The following COMMD10 variants were observed in gnomAD, a reference collection of about 807,000 sequenced individuals.
COMMD10 encodes the protein COMM domain-containing protein 10.
COMMD10 carries 33 observed loss-of-function variants against 28.9 expected under a neutral mutation model. The observed-to-expected ratio is 1.14, with a 90% CI of 0.87 to 1.53. The LOEUF (loss-of-function observed/expected upper bound fraction) is 1.53, where lower values mean the gene tolerates loss of function less well. COMMD10 is among the 40% of genes most tolerant of loss of function. COMMD10 has a pLI of 0.00. For missense variants in COMMD10, 310 were observed against 233.4 expected (o/e 1.33, Z -2.14); for synonymous variants, 110 against 81.7 (o/e 1.35, Z -1.87).
At chr5:116,148,172 T>G (rs543559413) in intron 5 of COMMD10, among the ~76,000 whole-genome samples, 13 of 152,018 alleles carry the variant, frequency 8.6e-5, no homozygotes, top group Non-Finnish European at 1.8e-4. Context: ...TCATGTAAAT[T>G]CTGTTGGAAT....
At chr5:116,180,183 G>A (rs1253542770) in intron 5 of COMMD10, among the ~76,000 whole-genome samples, 1 of 152,014 alleles carries the variant, frequency 6.6e-6, no homozygotes, top group Admixed American at 6.6e-5. Flanking sequence ...AGACGCTTGG[G>A]TTACCTCTGT....
At chr5:116,130,222 T>C (rs1031962053) in intron 4 of COMMD10, among the ~76,000 whole-genome samples, 1 of 151,918 alleles carries the variant, frequency 6.6e-6, no homozygotes, top group Non-Finnish European at 1.5e-5. Context: ...CGGGACATTA[T>C]TTTAAGTGCT....
intron 5 of COMMD10, among the ~76,000 whole-genome samples, chr5:116,143,010 A>T (rs2112540048): frequency 6.9e-6 from 1 of 145,830 alleles, no homozygotes; most frequent in East Asian, 2.0e-4. Flanking sequence ...TCAAGGTTTT[A>T]CGTTTTCTAA....
chr5:116,110,828 A>G (rs1751017738), intron 4 of COMMD10, among the ~76,000 whole-genome samples: 1 of 152,100 alleles, frequency 6.6e-6, no homozygotes, highest in South Asian at 2.1e-4. Context: ...ACACACTTTT[A>G]AACCACCAGA....
At chr5:116,213,375 A>G (rs2112635972) in intron 5 of COMMD10, among the ~76,000 whole-genome samples, 1 of 152,274 alleles carries the variant, frequency 6.6e-6, no homozygotes, top group South Asian at 2.1e-4. Flanking sequence ...TGTGGGTCTC[A>G]GCAAAATGAT....
At chr5:116,263,581 GCT>G (rs1363798181) in intron 5 of COMMD10, among the ~76,000 whole-genome samples, 1 of 151,488 alleles carries the variant, frequency 6.6e-6, no homozygotes, top group Non-Finnish European at 1.5e-5. Flanking sequence ...TTTACAGCCT[GCT>G]CTCTCTCTGA....
rs1750145631 is a variant in COMMD10, at chr5:116,087,530, A to G, written c.75A>G (p.Ile25Met). The G allele has an allele frequency of 6.2e-7, 1 of 1,612,110 alleles. No individual in the cohort carries two copies. Among genetic ancestry groups the G allele is most frequent in the East Asian group, 2.2e-5 (1 of 44,874 alleles). The stretch of plus-strand genomic sequence containing the variant: ...AAGCAGTGTCACTGATAAATGCAAT[A>G]GATACAGGAAGATTTCCACGGTTGC... ...MKKAVSLINA[I>M]DTGRFPRLLT... Residue 25 changes from isoleucine to methionine, a missense_variant, in exon 2 of 7, where the codon ATA becomes ATG. Coordinates refer to ENST00000274458, the MANE Select transcript of COMMD10 (RefSeq NM_016144.4).
chr5:116,160,293 A>G (rs1039523406), intron 5 of COMMD10, among the ~76,000 whole-genome samples: 2 of 152,210 alleles, frequency 1.3e-5, no homozygotes, highest in Admixed American at 6.6e-5. Flanking sequence ...GTTTTTAAAA[A>G]ATATAAATTT....
intron 5 of COMMD10, among the ~76,000 whole-genome samples, chr5:116,224,865 G>T (rs2112648116): frequency 6.6e-6 from 1 of 152,286 alleles, no homozygotes; most frequent in African/African-American, 2.4e-5. Flanking sequence ...GTATTTGATA[G>T]TTCATGGTTC....
At chr5:116,098,700 G>A (rs534616330) in intron 4 of COMMD10, among the ~76,000 whole-genome samples, 5 of 152,216 alleles carry the variant, frequency 3.3e-5, no homozygotes, top group South Asian at 2.1e-4. Flanking sequence ...ACCAGCCCTC[G>A]CTAGATACTG....
At chr5:116,114,414 C>T (rs535520158) in intron 4 of COMMD10, among the ~76,000 whole-genome samples, 1 of 152,160 alleles carries the variant, frequency 6.6e-6, no homozygotes, top group East Asian at 1.9e-4. Flanking sequence ...TTGCAATTGG[C>T]TGTGTGGGCT....
At chr5:116,250,959 A>G (rs991691847) in intron 5 of COMMD10, among the ~76,000 whole-genome samples, 1 of 151,820 alleles carries the variant, frequency 6.6e-6, no homozygotes, top group Admixed American at 6.6e-5. Flanking sequence ...CTAAGCCTAC[A>G]TTATTCTGGC....
In COMMD10 at chr5:116,134,138, A is replaced by C; in HGVS notation, c.470A>C (p.Gln157Pro). Residue 157 changes from glutamine (Q) to proline (P), a missense_variant, in exon 5 of 7, where the codon CAA (glutamine) becomes CCA (proline). Transcript: ENST00000274458. ...GCTCAAGCAAAACTAAAATCTCCTC[A>C]AGCTGTGTTACAACTCGGAGTGAAC... ...HSAQAKLKSPQAVLQLGVNNE... is the reference protein window; with the variant it reads ...HSAQAKLKSPPAVLQLGVNNE... 6.2e-7 allele frequency: 1 copy of C among 1,611,562 alleles called. No homozygotes were observed.
At chr5:116,202,493 G>T (rs1042026068) in intron 5 of COMMD10, among the ~76,000 whole-genome samples, 2 of 151,324 alleles carry the variant, frequency 1.3e-5, no homozygotes, top group Non-Finnish European at 3.0e-5. Flanking sequence ...CTAGTTTACA[G>T]TCCCACCAAC....
At chr5:116,087,627 C>A (rs1447240412) in intron 2 of COMMD10, 40 bp downstream of exon 2, 3 of 1,330,182 alleles carry the variant, frequency 2.3e-6, no homozygotes, top group Non-Finnish European at 3.3e-6. Context: ...AATCTTCCTT[C>A]TGATTTAATT....
chr5:116,260,455 G>A (rs4466200), intron 5 of COMMD10, among the ~76,000 whole-genome samples: 91,744 of 151,662 alleles, frequency 0.6, 31,487 homozygotes, highest in South Asian at 0.77. Flanking sequence ...CATATTCAGT[G>A]TGGACCCATT....
At chr5:116,292,250 A>C (rs1751383685) in intron 6 of COMMD10, among the ~76,000 whole-genome samples, 1 of 152,124 alleles carries the variant, frequency 6.6e-6, no homozygotes, top group African/African-American at 2.4e-5. Flanking sequence ...TGAAAACTTA[A>C]ATTTTCAAGC....
chr5:116,193,463 A>T (rs974257822), intron 5 of COMMD10, among the ~76,000 whole-genome samples: 1 of 152,186 alleles, frequency 6.6e-6, no homozygotes, highest in Admixed American at 6.6e-5. Context: ...CATAAACTGA[A>T]AGTAAAGGGG....
intron 5 of COMMD10, among the ~76,000 whole-genome samples, chr5:116,207,465 TC>T (rs1477959622): frequency 1.3e-5 from 2 of 152,172 alleles, no homozygotes; most frequent in African/African-American, 4.8e-5. Context: ...CTTTTATTCA[TC>T]AGTTTCTCTC....
Sources: allele counts gnomAD v4.1 joint callset (sites outside exome capture counted in the v4.1 genomes callset), GRCh38; gene constraint gnomAD v4.1.1; transcripts MANE v1.5; gene names NCBI Gene and HGNC (gene_info 2026-07-23, HGNC 2026-07-21).